SPSB4: variants seen among roughly 807,000 people sequenced by gnomAD.
SPSB4 encodes SPRY domain-containing SOCS box protein 4.
A neutral mutation model predicts 20.9 loss-of-function variants in SPSB4; 21 were observed. That is an observed-to-expected ratio of 1.01 (90% CI 0.71 to 1.45). SPSB4 has a LOEUF of 1.45. Among genes scored for constraint, SPSB4 ranks in the 40% most tolerant of loss-of-function variants. The pLI is 0.00. For synonymous variants in SPSB4, 207 were observed against 183.8 expected (o/e 1.13, Z -1.02); for missense variants, 399 against 399.2 (o/e 1.00, Z 0.00).
At chr3:141,115,761 C>A (rs1037024668) in intron 2 of SPSB4, among the ~76,000 whole-genome samples, 6 of 152,200 alleles carry the variant, frequency 3.9e-5, no homozygotes, top group African/African-American at 1.4e-4. Flanking sequence ...TTTCAGACTT[C>A]ATCATTTACC....
In SPSB4 at chr3:141,078,453, C is replaced by T. The variant is rs28639847; in HGVS notation, c.694+11655C>T. Among the ~76,000 whole-genome samples, 404 of 152,290 alleles carry T rather than the reference C, an allele frequency of 2.7e-3. 1 individual carries two copies. The highest frequency in any genetic ancestry group is 9.3e-3 in the African/African-American group (387 of 41,556). ...GGGTATGCTGGAGGGAGCCACAATG[C>T]TCCAGATTCCCAGGAACCGGTTGGG... On this transcript the variant is annotated intron_variant, in intron 2 of 2. Transcript: ENST00000310546.
intron 2 of SPSB4, among the ~76,000 whole-genome samples, chr3:141,095,077 C>A (rs1938523444): frequency 6.6e-6 from 1 of 151,998 alleles, no homozygotes; most frequent in African/African-American, 2.4e-5. Context: ...CCAAACGGGG[C>A]GTGTCTCGTC....
At chr3:141,144,456 G>T (rs567618575) in intron 2 of SPSB4, among the ~76,000 whole-genome samples, 7 of 152,296 alleles carry the variant, frequency 4.6e-5, no homozygotes, top group Middle Eastern at 3.4e-3. Flanking sequence ...ACATTTGGTA[G>T]TTCTAAGAAA....
intron 2 of SPSB4, among the ~76,000 whole-genome samples, chr3:141,109,243 A>G (rs1938754563): frequency 6.6e-6 from 1 of 152,052 alleles, no homozygotes; most frequent in Admixed American, 6.5e-5. Flanking sequence ...ACACCTTGCC[A>G]TGCACCTTGC....
chr3:141,060,929 T>C (rs1438134433), intron 1 of SPSB4, among the ~76,000 whole-genome samples: 1 of 152,250 alleles, frequency 6.6e-6, no homozygotes, highest in Admixed American at 6.5e-5. Context: ...TATCTTTTCA[T>C]ATTTTGTACT....
intron 2 of SPSB4, among the ~76,000 whole-genome samples, chr3:141,128,775 G>A (rs1435749683): frequency 6.6e-6 from 1 of 152,092 alleles, no homozygotes; most frequent in African/African-American, 2.4e-5. Flanking sequence ...TGGGGGGATG[G>A]CTCTTTAGCA....
At chr3:141,121,378 C>G (rs1478610467) in intron 2 of SPSB4, among the ~76,000 whole-genome samples, 1 of 152,146 alleles carries the variant, frequency 6.6e-6, no homozygotes, top group Non-Finnish European at 1.5e-5. Flanking sequence ...GTGAATCTGA[C>G]AGTTATGTGT....
chr3:141,070,560 G>A (rs2107781392), intron 2 of SPSB4, among the ~76,000 whole-genome samples: 1 of 151,956 alleles, frequency 6.6e-6, no homozygotes, highest in African/African-American at 2.4e-5. Context: ...AATTTTTTTT[G>A]TAGAGACAAT....
At chr3:141,060,871 A>G (rs1937748021) in intron 1 of SPSB4, among the ~76,000 whole-genome samples, 1 of 152,212 alleles carries the variant, frequency 6.6e-6, no homozygotes, top group Non-Finnish European at 1.5e-5. Context: ...TTCAGTATAC[A>G]TTGAGTATCT....
intron 2 of SPSB4, among the ~76,000 whole-genome samples, chr3:141,099,233 G>A (rs182670844): frequency 1.4e-3 from 211 of 149,636 alleles, no homozygotes; most frequent in African/African-American, 5.2e-3. Context: ...CGCCCAGGCT[G>A]GAGTGCAGTG....
In SPSB4 at chr3:141,066,166, C is replaced by T. The variant is rs760490073; in HGVS notation, c.62C>T (p.Pro21Leu). 13 of 1,531,976 alleles carry T rather than the reference C, an allele frequency of 8.5e-6. No individual in the cohort carries two copies. The highest frequency in any genetic ancestry group is 4.0e-4 in the Middle Eastern group (2 of 4,950). 94.9% of individuals were successfully genotyped at this position (1,531,976 alleles called of 1,614,324 possible). A position where few individuals can be genotyped will look rare whatever the true frequency, so the allele number is the denominator to read the frequency against. Residue 21 changes from proline (P) to leucine (L), a missense_variant, in exon 2 of 3, where the codon CCG (proline) becomes CTG (leucine). Pro to Leu is a moderately conservative substitution (Grantham distance 98, BLOSUM62 -3). Transcript: ENST00000310546. The stretch of plus-strand genomic sequence containing the variant: ...GAGGTGCGAGAGCCGGCGCTGCGGC[C>T]GGCCAAGCGGGAGCTGCGGGGTGCA... ...SVEVREPALR[P>L]AKRELRGAEP... is the part of the protein sequence containing the mutation.
chr3:141,100,089 C>T (rs1253010911), intron 2 of SPSB4, among the ~76,000 whole-genome samples: 1 of 152,224 alleles, frequency 6.6e-6, no homozygotes, highest in Non-Finnish European at 1.5e-5. Context: ...CATTCTCTCT[C>T]ATTGTTCTCT....
At chr3:141,134,855 C>G (rs1000192490) in intron 2 of SPSB4, among the ~76,000 whole-genome samples, 1 of 149,330 alleles carries the variant, frequency 6.7e-6, no homozygotes, top group Non-Finnish European at 1.5e-5. Flanking sequence ...GGAGGATTCC[C>G]TCTTTCTCTA....
chr3:141,076,665 G>T (rs1403784629), intron 2 of SPSB4, among the ~76,000 whole-genome samples: 1 of 152,190 alleles, frequency 6.6e-6, no homozygotes. Context: ...CTTGGGGGGT[G>T]TCTGTCCCGA....
chr3:141,054,051 AT>A (rs1936140413), intron 1 of SPSB4, among the ~76,000 whole-genome samples: 1 of 152,160 alleles, frequency 6.6e-6, no homozygotes, highest in Non-Finnish European at 1.5e-5. Flanking sequence ...CTTCCTCATC[AT>A]TTACGTAGAA....
chr3:141,059,064 T>C (rs973589664), intron 1 of SPSB4, among the ~76,000 whole-genome samples: 4 of 152,026 alleles, frequency 2.6e-5, no homozygotes, highest in African/African-American at 9.7e-5. Flanking sequence ...CTGGTGAAAG[T>C]TTCCTGCCAT....
intron 2 of SPSB4, among the ~76,000 whole-genome samples, chr3:141,087,486 G>A (rs189419082): frequency 4.0e-4 from 61 of 152,336 alleles, no homozygotes; most frequent in African/African-American, 1.3e-3. Flanking sequence ...GGGGTAAAAT[G>A]TCCAGCATGT....
intron 2 of SPSB4, among the ~76,000 whole-genome samples, chr3:141,134,025 TTTTTC>T (rs1306802988): frequency 8.2e-6 from 1 of 121,402 alleles, no homozygotes; most frequent in Non-Finnish European, 1.6e-5. Context: ...TTCCTTTTTT[TTTTTC>T]TTTTCTTTTT....
chr3:141,127,095 A>T (rs1160607562), intron 2 of SPSB4, among the ~76,000 whole-genome samples: 1 of 152,264 alleles, frequency 6.6e-6, no homozygotes, highest in Non-Finnish European at 1.5e-5. Context: ...GTAGGACCTG[A>T]GTCTCCAGTG....
Sources: allele counts gnomAD v4.1 joint callset (sites outside exome capture counted in the v4.1 genomes callset), GRCh38; gene constraint gnomAD v4.1.1; transcripts MANE v1.5; gene names NCBI Gene and HGNC (gene_info 2026-07-23, HGNC 2026-07-21).